The following FAM120C variants were observed in gnomAD, a reference collection of about 807,000 sequenced individuals.
FAM120C encodes the protein family with sequence similarity 120 member C, also known as constitutive coactivator of PPAR-gamma-like protein 2.
Under a neutral mutation model 71.2 loss-of-function variants are expected in FAM120C, and 14 were observed. The ratio of observed to expected loss-of-function variants is 0.20; its 90% CI spans 0.13 to 0.31. The LOEUF (loss-of-function observed/expected upper bound fraction) is 0.31, where lower values mean the gene tolerates loss of function less well. Among genes scored for constraint, FAM120C ranks in the 10% least tolerant of loss-of-function variants. The pLI is 1.00. For missense variants in FAM120C, 500 were observed against 879.0 expected (o/e 0.57, Z 5.45); for synonymous variants, 354 against 353.2 (o/e 1.00, Z -0.03).
chrX:54,091,822 T>C (rs1335007818), intron 10 of FAM120C, among the ~76,000 whole-genome samples: 3 of 111,551 alleles, frequency 2.7e-5, no homozygotes, highest in African/African-American at 9.8e-5. Flanking sequence ...AAGAGTATGA[T>C]GTGTGAAGGC....
chrX:54,118,612 G>A (rs987369561), intron 9 of FAM120C, among the ~76,000 whole-genome samples: 2 of 106,597 alleles, frequency 1.9e-5, no homozygotes, highest in African/African-American at 6.8e-5. Context: ...TCCGGGATAT[G>A]GTATTATCAC....
rs2067081196 is a variant in FAM120C, at chrX:54,133,965, A to G, written c.1698T>C (p.Asp566=). ...CTAGGCTCGCTTCTGAAACTCCAGT[A>G]TCAACAGGCTGTGCCCAGGACCCTC... is the stretch of plus-strand genomic sequence containing the variant. ...RDRGSWAQPV[D]TGVSEASLGD... Residue 566 remains aspartate (D), a synonymous_variant, in exon 8 of 16, where the codon GAT becomes GAC. Transcript: ENST00000375180. 1 of 1,210,079 alleles carries G rather than the reference A, an allele frequency of 8.3e-7. No homozygotes were observed. The highest frequency in any genetic ancestry group is 1.1e-6 in the Non-Finnish European group (1 of 895,213).
intron 15 of FAM120C, among the ~76,000 whole-genome samples, chrX:54,073,635 T>C (rs1432643744): frequency 9.1e-6 from 1 of 110,094 alleles, no homozygotes; most frequent in African/African-American, 3.3e-5. Context: ...TTTCCTCATG[T>C]TGGCCAGCCT....
At chrX:54,148,771 A>C (rs1231040945) in intron 4 of FAM120C, among the ~76,000 whole-genome samples, 5 of 112,113 alleles carry the variant, frequency 4.5e-5, no homozygotes, top group African/African-American at 1.6e-4. Flanking sequence ...TGGCGGCTAC[A>C]GTTAATAACA....
intron 3 of FAM120C, among the ~76,000 whole-genome samples, chrX:54,153,907 G>A (rs1208520799): frequency 9.2e-6 from 1 of 108,297 alleles, no homozygotes; most frequent in Non-Finnish European, 1.9e-5. Context: ...CACCATGTTG[G>A]CCAGGCTGGT....
chrX:54,087,475 G>A (rs941618540), intron 12 of FAM120C, among the ~76,000 whole-genome samples: 2 of 110,820 alleles, frequency 1.8e-5, no homozygotes, highest in Admixed American at 2.0e-4. Flanking sequence ...AAGGTATATA[G>A]TACATCTGAA....
chrX:54,161,342 A>G (rs1329595674), intron 1 of FAM120C, among the ~76,000 whole-genome samples: 5 of 111,638 alleles, frequency 4.5e-5, no homozygotes, highest in Non-Finnish European at 9.4e-5. Flanking sequence ...GAAAAGTAAG[A>G]TGCCATACTC....
At chrX:54,165,750 C>T (rs1557135072) in intron 1 of FAM120C, among the ~76,000 whole-genome samples, 1 of 109,737 alleles carries the variant, frequency 9.1e-6, no homozygotes, top group African/African-American at 3.3e-5. Flanking sequence ...GCACTCCAGC[C>T]TGGGCAACAG....
intron 1 of FAM120C, among the ~76,000 whole-genome samples, chrX:54,162,502 CTCTTT>C (rs1289423650): frequency 1.5e-4 from 17 of 111,969 alleles, no homozygotes; most frequent in African/African-American, 4.9e-4. Flanking sequence ...TTCTATCTTA[CTCTTT>C]TATCTCCATG....
chrX:54,181,315 G>A lies in FAM120C; in HGVS notation c.699+1185C>T, dbSNP rs150405165. Among the ~76,000 whole-genome samples, 875 of 110,909 alleles carry A rather than the reference G, an allele frequency of 7.9e-3. 5 individuals are homozygous for A. Among genetic ancestry groups the A allele is most frequent in the Middle Eastern group, 0.032 (7 of 216 alleles). ...GGACAACCCCCAAGAACCTTGGTTGGGGAAATAGGTTTGCGGTTTCTTTCT... is the reference window on the plus strand; with the variant it reads ...GGACAACCCCCAAGAACCTTGGTTGAGGAAATAGGTTTGCGGTTTCTTTCT... On this transcript the variant is annotated intron_variant, in intron 1 of 15. Coordinates refer to ENST00000375180, the MANE Select transcript of FAM120C (RefSeq NM_017848.6).
At chrX:54,162,490 G>T (rs781902101) in intron 1 of FAM120C, among the ~76,000 whole-genome samples, 4 of 111,914 alleles carry the variant, frequency 3.6e-5, no homozygotes, top group Non-Finnish European at 7.5e-5. Flanking sequence ...TAAGGTCACA[G>T]GTTCTATCTT....
Position 54,180,676 on chromosome X carries a change from A to G in FAM120C, c.699+1824T>C, listed in dbSNP as rs184393413. Among the ~76,000 whole-genome samples the G allele has an allele frequency of 8.0e-5, 9 of 112,038 alleles. No individual in the cohort carries two copies. The East Asian group carries it at 2.5e-3, about 31-fold the overall frequency. On this transcript the variant is annotated intron_variant, in intron 1 of 15. Transcript: ENST00000375180. Reference sequence around the variant, plus strand: ...AGTATGAGCTTTGGAGGAAGACCACATAGGCACAAATCTCAGCCCTGCCAC... The same window carrying G: ...AGTATGAGCTTTGGAGGAAGACCACGTAGGCACAAATCTCAGCCCTGCCAC...
At position 54,098,334 on chromosome X, in the gene FAM120C, C is replaced by T. The variant is rs782707996; in HGVS notation, c.2313-6908G>A. Among the ~76,000 whole-genome samples, 4 of 111,813 alleles carry T rather than the reference C, an allele frequency of 3.6e-5. No individual in the cohort carries two copies. In the East Asian group the frequency reaches 1.1e-3, roughly 31 times the overall value. On this transcript the variant is annotated intron_variant, in intron 10 of 15. Transcript: ENST00000375180. ...GGGATTACAGGCATAAGCCACCGTG[C>T]CCGGCCTATTATGAATAATTCTACA...
Position 54,068,512 on chromosome X carries a change from A to G in FAM120C, c.*4521T>C, listed in dbSNP as rs1006656963. On this transcript the variant is annotated 3_prime_UTR_variant, in exon 16 of 16. Coordinates refer to ENST00000375180, the MANE Select transcript of FAM120C (RefSeq NM_017848.6). ...CAAAGAAGCATCCATTCAAACTTACATTAATAAACTATGGAGCTTTTGTGG... is the reference window on the plus strand; with the variant it reads ...CAAAGAAGCATCCATTCAAACTTACGTTAATAAACTATGGAGCTTTTGTGG... 1 of 111,323 alleles carries G rather than the reference A, an allele frequency of 9.0e-6. No individual in the cohort carries two copies. The highest frequency in any genetic ancestry group is 3.3e-5 in the African/African-American group (1 of 30,596). The allele number at this position is 111,323 out of a possible 1,213,427, so 9.2% of individuals were successfully genotyped here.
In FAM120C at chrX:54,134,030, A is replaced by G; in HGVS notation, c.1633T>C (p.Phe545Leu). Residue 545 changes from phenylalanine to leucine, a missense_variant, in exon 8 of 16, where the codon TTT becomes CTT. Coordinates refer to ENST00000375180, the MANE Select transcript of FAM120C (RefSeq NM_017848.6). ...GASSDHITEA[F>L]HHQPEWGNPN... Reference sequence around the variant, plus strand: ...TTTCCCCACTCAGGCTGGTGATGAAATGCTTCTGTGATATGACTAAAAAAT... The same window carrying G: ...TTTCCCCACTCAGGCTGGTGATGAAGTGCTTCTGTGATATGACTAAAAAAT... The G allele has an allele frequency of 8.3e-7, 1 of 1,210,088 alleles. No individual in the cohort carries two copies. The highest frequency in any genetic ancestry group is 1.1e-6 in the Non-Finnish European group (1 of 894,956).
intron 3 of FAM120C, among the ~76,000 whole-genome samples, chrX:54,152,970 C>T (rs966034645): frequency 9.0e-6 from 1 of 111,620 alleles, no homozygotes; most frequent in African/African-American, 3.3e-5. Context: ...CGGAGGCTGG[C>T]GGATCACCTG....
At chrX:54,133,257 T>C (rs1300686182) in intron 8 of FAM120C, among the ~76,000 whole-genome samples, 4 of 111,747 alleles carry the variant, frequency 3.6e-5, no homozygotes, top group African/African-American at 1.3e-4. Flanking sequence ...GGAGAATTGC[T>C]TGAACCTCGG....
At chrX:54,133,070 G>A (rs998196748) in intron 8 of FAM120C, among the ~76,000 whole-genome samples, 4 of 112,310 alleles carry the variant, frequency 3.6e-5, no homozygotes, top group African/African-American at 9.7e-5. Flanking sequence ...AAGTCTCAAC[G>A]GCTGGGCATG....
chrX:54,073,819 A>G (rs1557120333), intron 15 of FAM120C, among the ~76,000 whole-genome samples: 1 of 110,892 alleles, frequency 9.0e-6, no homozygotes. Context: ...TGACAACACA[A>G]TAATGACACA....
Sources: gnomAD v4.1 joint callset for allele counts (sites outside exome capture counted in the v4.1 genomes callset) on GRCh38, gnomAD v4.1.1 for gene constraint, MANE v1.5 for transcripts, NCBI Gene and HGNC (gene_info 2026-07-23, HGNC 2026-07-21) for gene names.